The following PTPRD variants were observed in gnomAD, a reference collection of about 807,000 sequenced individuals.
The protein encoded by PTPRD is receptor-type tyrosine-protein phosphatase delta.
PTPRD carries 34 observed loss-of-function variants against 214.5 expected under a neutral mutation model. That is an observed-to-expected ratio of 0.16 (90% CI 0.12 to 0.21). The LOEUF is 0.21. Among genes scored for constraint, PTPRD ranks in the 10% least tolerant of loss-of-function variants. The pLI, the probability that PTPRD is intolerant of heterozygous loss-of-function variation, is 1.00. For missense variants in PTPRD, 2,545 were observed against 2,398.7 expected, an observed-to-expected ratio of 1.06 and a Z score of -1.27; for synonymous variants, 1,128 against 845.7, an observed-to-expected ratio of 1.33 and a Z score of -5.79.
At chr9:10,317,735 T>TA (rs529815168) in intron 3 of PTPRD, among the ~76,000 whole-genome samples, 94 of 152,096 alleles carry the variant, frequency 6.2e-4, no homozygotes, top group African/African-American at 1.7e-3. Flanking sequence ...CAAACACAAA[T>TA]AAAAAAATTA....
chr9:8,337,691 T>A (rs1317186411), intron 43 of PTPRD, among the ~76,000 whole-genome samples: 1 of 152,002 alleles, frequency 6.6e-6, no homozygotes, highest in African/African-American at 2.4e-5. Context: ...ACTTCCGGTT[T>A]CAATCTTCTT....
intron 4 of PTPRD, among the ~76,000 whole-genome samples, chr9:9,996,828 C>G (rs1046598179): frequency 6.6e-6 from 1 of 152,106 alleles, no homozygotes; most frequent in Non-Finnish European, 1.5e-5. Flanking sequence ...TTAAGAAGAA[C>G]AACAAGACAA....
intron 14 of PTPRD, among the ~76,000 whole-genome samples, chr9:8,568,914 AC>A (rs143738446): frequency 0.018 from 2,751 of 152,168 alleles, 90 homozygotes; most frequent in African/African-American, 0.063. Context: ...TGTCATTAGC[AC>A]AAATCTAATG....
intron 11 of PTPRD, among the ~76,000 whole-genome samples, chr9:8,992,170 C>G (rs1349204833): frequency 2.0e-5 from 3 of 152,040 alleles, no homozygotes; most frequent in Middle Eastern, 3.2e-3. Context: ...AACTATTTAA[C>G]CCTGAATGGC....
At chr9:9,753,529 T>C (rs1386391863) in intron 6 of PTPRD, among the ~76,000 whole-genome samples, 7 of 152,064 alleles carry the variant, frequency 4.6e-5, no homozygotes, top group Non-Finnish European at 1.0e-4. Flanking sequence ...ACTAGCTCTC[T>C]TGTGTGTTTG....
chr9:10,367,040 T>C (rs73644430), intron 2 of PTPRD, among the ~76,000 whole-genome samples: 3,845 of 149,506 alleles, frequency 0.026, 175 homozygotes, highest in African/African-American at 0.09. Flanking sequence ...TCTGTATACA[T>C]AGTTTATTTT....
intron 2 of PTPRD, among the ~76,000 whole-genome samples, chr9:10,527,468 G>A (rs1190657486): frequency 6.6e-6 from 1 of 152,164 alleles, no homozygotes; most frequent in Non-Finnish European, 1.5e-5. Flanking sequence ...AATTCCAAAT[G>A]CATTAGGTAG....
chr9:9,128,223 T>G (rs561074572), intron 10 of PTPRD, among the ~76,000 whole-genome samples: 1 of 152,194 alleles, frequency 6.6e-6, no homozygotes, highest in Non-Finnish European at 1.5e-5. Context: ...ATATTTACCA[T>G]TGTTAATAGG....
rs183301211 is a variant in PTPRD at position 8,626,126 on chromosome 9, T to C, written c.352+7191A>G. Among the ~76,000 whole-genome samples, 8 of 151,994 alleles carry C rather than the reference T, an allele frequency of 5.3e-5. No individual in the cohort carries two copies. The South Asian group carries it at 1.2e-3, about 24-fold the overall frequency. On this transcript the variant is annotated intron_variant, in intron 14 of 45. Transcript: ENST00000381196. ...ACAACTTTTAAAACTACATCTTAAT[T>C]AGTAGCTTAAAATAAAACTAATTTG...
rs764230379 is a variant in PTPRD at position 10,160,453 on chromosome 9, T to A, written c.-544-126663A>T. ...AATGAATACCAATTCTTCTCAAAGA[T>A]CATAGCAGAACCAAGAACAAAAACC... On this transcript the variant is annotated intron_variant, in intron 3 of 45. Coordinates refer to ENST00000381196, the MANE Select transcript of PTPRD (RefSeq NM_002839.4). Among the ~76,000 whole-genome samples, 83 of 151,862 alleles carry A rather than the reference T, an allele frequency of 5.5e-4. 1 individual carries two copies. The highest frequency in any genetic ancestry group is 3.2e-4 in the Non-Finnish European group (22 of 67,852).
intron 5 of PTPRD, among the ~76,000 whole-genome samples, chr9:9,917,851 A>G (rs138079850): frequency 9.9e-5 from 15 of 152,140 alleles, no homozygotes; most frequent in South Asian, 4.1e-4. Flanking sequence ...ATTTATCAAT[A>G]CATACATTTG....
chr9:8,999,468 C>T (rs528325589), intron 11 of PTPRD, among the ~76,000 whole-genome samples: 4 of 152,104 alleles, frequency 2.6e-5, no homozygotes, highest in African/African-American at 9.6e-5. Context: ...AAGATATGTA[C>T]ATTGTTTTTT....
intron 10 of PTPRD, among the ~76,000 whole-genome samples, chr9:9,077,344 A>G (rs1329994857): frequency 6.6e-6 from 1 of 151,774 alleles, no homozygotes; most frequent in Admixed American, 6.6e-5. Flanking sequence ...TCCATAGTTC[A>G]TAGAAGCAGA....
intron 9 of PTPRD, among the ~76,000 whole-genome samples, chr9:9,280,477 T>C (rs1947292257): frequency 6.6e-6 from 1 of 151,312 alleles, no homozygotes; most frequent in South Asian, 2.1e-4. Context: ...TACTTTTATA[T>C]ACCAACAATG....
chr9:10,183,079 C>T (rs1026360537), intron 3 of PTPRD, among the ~76,000 whole-genome samples: 1 of 152,062 alleles, frequency 6.6e-6, no homozygotes, highest in African/African-American at 2.4e-5. Context: ...ATGCTATTTT[C>T]TTGTTAGAGT....
chr9:8,323,490 G>A (rs1416027320), intron 44 of PTPRD, among the ~76,000 whole-genome samples: 5 of 152,142 alleles, frequency 3.3e-5, no homozygotes, highest in Non-Finnish European at 7.4e-5. Context: ...GTGATTCACG[G>A]GAGAAGATCA....
intron 4 of PTPRD, among the ~76,000 whole-genome samples, chr9:9,946,798 G>C (rs1232348449): frequency 2.0e-5 from 3 of 151,978 alleles, no homozygotes; most frequent in African/African-American, 7.3e-5. Flanking sequence ...AAAATATCAA[G>C]GGATTTTAAC....
intron 44 of PTPRD, among the ~76,000 whole-genome samples, chr9:8,324,411 C>T (rs936986152): frequency 2.2e-4 from 34 of 152,260 alleles, no homozygotes; most frequent in African/African-American, 8.2e-4. Context: ...TCATCCATGT[C>T]CCTGCAAAGG....
chr9:8,631,918 AC>A (rs1336444611), intron 14 of PTPRD, among the ~76,000 whole-genome samples: 1 of 151,746 alleles, frequency 6.6e-6, no homozygotes, highest in Non-Finnish European at 1.5e-5. Context: ...TCCTGCACCA[AC>A]CTAGCTTGTC....
Sources: allele counts gnomAD v4.1 joint callset (sites outside exome capture counted in the v4.1 genomes callset), GRCh38; gene constraint gnomAD v4.1.1; transcripts MANE v1.5; gene names NCBI Gene and HGNC (gene_info 2026-07-23, HGNC 2026-07-21).